The following TPCN1 variants were observed in gnomAD, a reference collection of about 807,000 sequenced individuals.
TPCN1 encodes the protein two pore segment channel 1.
In TPCN1, 52 loss-of-function variants were observed where a neutral mutation model predicts 108.8. The observed-to-expected ratio is 0.48, with a 90% CI of 0.38 to 0.60. The LOEUF (loss-of-function observed/expected upper bound fraction) is 0.60. Among genes scored for constraint, TPCN1 ranks in the 20% least tolerant of loss-of-function variants. The probability of loss-of-function intolerance (pLI) is 0.00; values close to 1 mark genes in which losing one functional copy is unlikely to be tolerated. For synonymous variants in TPCN1, 446 were observed against 433.7 expected, an observed-to-expected ratio of 1.03 and a Z score of -0.35; for missense variants, 806 against 1,072.8, an observed-to-expected ratio of 0.75 and a Z score of 3.47.
chr12:113,266,163 T>G lies in TPCN1; in HGVS notation c.238-17T>G. ...GGTCTCCAGGCTTACATGCCCACAC[T>G]ACTCTCATCTTTTCAGGAAGGCGAG... On this transcript the variant is annotated splice_polypyrimidine_tract_variant and intron_variant, in intron 3 of 27. Transcript: ENST00000335509. This position sits in a 1 kb window ranked among gnomAD's most constrained non-coding sequence, Gnocchi z 4.2. 1.2e-6 allele frequency: 2 copies of G among 1,613,530 alleles called. No individual in the cohort carries two copies. Among genetic ancestry groups the G allele is most frequent in the Non-Finnish European group, 1.7e-6 (2 of 1,179,686 alleles).
In TPCN1 at chr12:113,276,528, C is replaced by G. The variant is rs139836363; in HGVS notation, c.943-391C>G. Among the ~76,000 whole-genome samples, 462 of 152,248 alleles carry G rather than the reference C, an allele frequency of 3.0e-3. 4 individuals are homozygous for G. The highest frequency in any genetic ancestry group is 0.015 in the South Asian group (73 of 4,826). ...GTGGGCAGGCAGCCTCCGCCTGCCA[C>G]TGGCTGGAGTCGGACTGGGCTCAGA... is the stretch of plus-strand genomic sequence containing the variant. On this transcript the variant is annotated intron_variant, in intron 10 of 27. Transcript: ENST00000335509.
At chr12:113,290,534 G>A (rs1382265830) in intron 22 of TPCN1, among the ~76,000 whole-genome samples, 1 of 152,230 alleles carries the variant, frequency 6.6e-6, no homozygotes, top group African/African-American at 2.4e-5. Context: ...AGTGCCACTT[G>A]CAGAATGGGA....
chr12:113,272,031 G>A lies in TPCN1; in HGVS notation c.749-627G>A, dbSNP rs1955519983. Among the ~76,000 whole-genome samples the A allele has an allele frequency of 6.6e-6, 1 of 152,208 alleles. No homozygotes were observed. The highest frequency in any genetic ancestry group is 2.1e-4 in the South Asian group (1 of 4,832). ...AGGGCCAACCCCTCCCGGCCCTCGTGACTGCCTTGTCCTGAGTCATGGCTC... is the reference window on the plus strand; with the variant it reads ...AGGGCCAACCCCTCCCGGCCCTCGTAACTGCCTTGTCCTGAGTCATGGCTC... On this transcript the variant is annotated intron_variant, in intron 7 of 27. Coordinates refer to ENST00000335509, the MANE Select transcript of TPCN1 (RefSeq NM_017901.6). The surrounding 1 kb of genome is among the most constrained non-coding windows in gnomAD (Gnocchi z 4.1).
At chr12:113,265,226 T>C (rs1955209938) in intron 3 of TPCN1, among the ~76,000 whole-genome samples, 1 of 152,364 alleles carries the variant, frequency 6.6e-6, no homozygotes, top group African/African-American at 2.4e-5. Context: ...AGCAAATACC[T>C]GTAGTGAGCT....
intron 15 of TPCN1, among the ~76,000 whole-genome samples, chr12:113,281,728 G>A (rs997405802): frequency 3.3e-5 from 5 of 151,768 alleles, no homozygotes; most frequent in Admixed American, 2.6e-4. Context: ...TTGTAGAGAC[G>A]GGGTAGCCTC....
At chr12:113,275,233 T>A (rs1955630822) in intron 10 of TPCN1, among the ~76,000 whole-genome samples, 2 of 152,192 alleles carry the variant, frequency 1.3e-5, no homozygotes. Flanking sequence ...ATCTAAAAAA[T>A]TTTAAGTCCT....
intron 18 of TPCN1, among the ~76,000 whole-genome samples, chr12:113,286,453 G>GGGCCGCGAGGGTGAGCGGGTTAACACGCA (rs1956084865): frequency 1.3e-5 from 2 of 151,984 alleles, no homozygotes; most frequent in Admixed American, 6.5e-5. Context: ...CACGCAGAGC[G>GGGCCGCGAGGGTGAGCGGGTTAACACGCA]GAGTTGGGAG....
rs760883311 is a variant in TPCN1 at position 113,298,497 on chromosome 12, G to A, written c.*2421G>A. 1 of 152,268 alleles carries A rather than the reference G, an allele frequency of 6.6e-6. No individual in the cohort carries two copies. Among genetic ancestry groups the A allele is most frequent in the Non-Finnish European group, 1.5e-5 (1 of 68,048 alleles). 9.4% of individuals were successfully genotyped at this position (152,268 alleles called of 1,614,324 possible). A position where few individuals can be genotyped will look rare whatever the true frequency, so the allele number is the denominator to read the frequency against. ...ACGGATCACGGGAGCAATGCTGTAC[G>A]GTTTTGTACACTGGTGGTTTGTTTC... On this transcript the variant is annotated 3_prime_UTR_variant, in exon 28 of 28. Transcript: ENST00000335509.
chr12:113,246,067 A>G (rs1593108195), intron 2 of TPCN1: 1 of 455,802 alleles, frequency 2.2e-6, no homozygotes, highest in South Asian at 1.6e-5. Flanking sequence ...CAAACAGGTC[A>G]TTCTGGTTTG....
chr12:113,255,626 A>G (rs1231816238), intron 2 of TPCN1, among the ~76,000 whole-genome samples: 1 of 152,122 alleles, frequency 6.6e-6, no homozygotes, highest in Non-Finnish European at 1.5e-5. Context: ...CCTGGGCTCA[A>G]GTGAGTCTCA....
intron 2 of TPCN1, among the ~76,000 whole-genome samples, chr12:113,228,435 G>C (rs1201118092): frequency 6.6e-6 from 1 of 152,108 alleles, no homozygotes; most frequent in Non-Finnish European, 1.5e-5. Flanking sequence ...GCAACATAGC[G>C]AGACCTCGGC....
chr12:113,235,058 C>G (rs1423315075), intron 2 of TPCN1, among the ~76,000 whole-genome samples: 4 of 152,148 alleles, frequency 2.6e-5, no homozygotes, highest in African/African-American at 7.2e-5. Context: ...TCTCCATGGC[C>G]CTTGAGGTTA....
intron 14 of TPCN1, 82 bp from the exon 15 acceptor site, chr12:113,280,069 G>A: frequency 8.6e-7 from 1 of 1,159,534 alleles, no homozygotes; most frequent in Non-Finnish European, 1.3e-6. Context: ...CACCTGCCCA[G>A]AAAGAGATAA....
At chr12:113,244,973 T>C (rs1954298369) in intron 2 of TPCN1, among the ~76,000 whole-genome samples, 1 of 151,880 alleles carries the variant, frequency 6.6e-6, no homozygotes, top group Admixed American at 6.6e-5. Flanking sequence ...TTTAAGAAAA[T>C]GAGAATGAGG....
intron 27 of TPCN1, 152 bp downstream of exon 27, chr12:113,293,501 C>A (rs1245937203): frequency 1.3e-6 from 1 of 770,302 alleles, no homozygotes; most frequent in African/African-American, 1.7e-5. Flanking sequence ...TGTGTGGGAC[C>A]TGAGCGGGGC....
intron 2 of TPCN1, among the ~76,000 whole-genome samples, chr12:113,253,048 G>A (rs896489995): frequency 2.0e-5 from 3 of 152,208 alleles, no homozygotes; most frequent in Non-Finnish European, 2.9e-5. Flanking sequence ...TGAGAGGCAA[G>A]TAGTCTACCG....
In TPCN1 at chr12:113,288,529, A is replaced by G; in HGVS notation, c.1707-229A>G. ...CACCTGTGAGTCTACCTTCACAGGT[A>G]AGGGGTGAATCTCTGGGAAAGGGGC... is the stretch of plus-strand genomic sequence containing the variant. On this transcript the variant is annotated intron_variant, in intron 20 of 27. Coordinates refer to ENST00000335509, the MANE Select transcript of TPCN1 (RefSeq NM_017901.6). The surrounding 1 kb of genome is among the most constrained non-coding windows in gnomAD (Gnocchi z 4.8). The G allele has an allele frequency of 6.7e-7, 1 of 1,488,322 alleles. No individual in the cohort carries two copies. The highest frequency in any genetic ancestry group is 8.9e-7 in the Non-Finnish European group (1 of 1,120,802). 92.2% of individuals were successfully genotyped at this position (1,488,322 alleles called of 1,614,324 possible). A position where few individuals can be genotyped will look rare whatever the true frequency, so the allele number is the denominator to read the frequency against.
intron 1 of TPCN1, among the ~76,000 whole-genome samples, chr12:113,222,339 A>G (rs1187861565): frequency 2.0e-5 from 3 of 152,172 alleles, no homozygotes; most frequent in Non-Finnish European, 4.4e-5. Context: ...CCAAGCTTCA[A>G]TTTCCTCATT....
At position 113,272,835 on chromosome 12, in the gene TPCN1, G is replaced by T; in HGVS notation, c.783+143G>T. ...CATAGCTTGTGTGTGCATTGCACCT[G>T]GGAGTTCCCATCACTCAGACTTGAC... On this transcript the variant is annotated intron_variant, in intron 8 of 27. Transcript: ENST00000335509. The surrounding 1 kb of genome is among the most constrained non-coding windows in gnomAD (Gnocchi z 4.1). 2 of 833,216 alleles carry T rather than the reference G, an allele frequency of 2.4e-6. No individual in the cohort carries two copies. The highest frequency in any genetic ancestry group is 4.1e-6 in the Non-Finnish European group (2 of 483,268). The allele number at this position is 833,216 out of a possible 1,614,324, so 51.6% of individuals were successfully genotyped here. A position where few individuals can be genotyped will look rare whatever the true frequency, so the allele number is the denominator to read the frequency against.
Sources: allele counts gnomAD v4.1 joint callset (sites outside exome capture counted in the v4.1 genomes callset), GRCh38; gene constraint gnomAD v4.1.1; non-coding constraint Gnocchi (gnomAD v3.1); transcripts MANE v1.5; gene names NCBI Gene and HGNC (gene_info 2026-07-23, HGNC 2026-07-21).